Variants in GPATCH2L observed in about 807,000 individuals in gnomAD.
GPATCH2L encodes the protein G patch domain-containing protein 2-like.
A neutral mutation model predicts 57.4 loss-of-function variants in GPATCH2L; 31 were observed. The ratio of observed to expected loss-of-function variants is 0.54; its 90% confidence interval spans 0.41 to 0.73. GPATCH2L has a LOEUF of 0.73. Ranked by LOEUF, GPATCH2L falls within the 30% of genes least tolerant of loss-of-function variation. The pLI, the probability that GPATCH2L is intolerant of heterozygous loss-of-function variation, is 0.00. For missense variants in GPATCH2L, 481 were observed against 599.9 expected (o/e 0.80, Z 2.07); for synonymous variants, 199 against 210.7 (o/e 0.94, Z 0.48).
At chr14:76,169,118 C>T (rs2038973773) in intron 3 of GPATCH2L, among the ~76,000 whole-genome samples, 1 of 152,164 alleles carries the variant, frequency 6.6e-6, no homozygotes, top group African/African-American at 2.4e-5. Flanking sequence ...ATAGTCACTT[C>T]ATTACATCTC....
In GPATCH2L at chr14:76,205,559, C is replaced by A. The variant is rs1273037102; in HGVS notation, c.*3708C>A. On this transcript the variant is annotated 3_prime_UTR_variant, in exon 10 of 10. Coordinates refer to ENST00000261530, the MANE Select transcript of GPATCH2L (RefSeq NM_017926.4). Reference sequence around the variant, plus strand: ...GTAGCATCCTTTGTTAAGTAAAGCACAACACCCTGGACAAGCGACTAGTTA... The same window carrying A: ...GTAGCATCCTTTGTTAAGTAAAGCAAAACACCCTGGACAAGCGACTAGTTA... 1.3e-5 allele frequency: 2 copies of A among 152,190 alleles called. No individual in the cohort carries two copies. The highest frequency in any genetic ancestry group is 3.8e-4 in the East Asian group (2 of 5,202). The allele number at this position is 152,190 out of a possible 1,614,324, so 9.4% of individuals were successfully genotyped here. A position where few individuals can be genotyped will look rare whatever the true frequency, so the allele number is the denominator to read the frequency against.
intron 6 of GPATCH2L, 112 bp downstream of exon 6, chr14:76,176,802 A>G: frequency 1.4e-6 from 1 of 731,588 alleles, no homozygotes; most frequent in East Asian, 2.5e-5. Context: ...AAGAGATCTT[A>G]AAGATTTGTA....
At chr14:76,229,101 CT>C (rs1165079951) in intron 1 of GPATCH2L, among the ~76,000 whole-genome samples, 2 of 152,216 alleles carry the variant, frequency 1.3e-5, no homozygotes, top group Non-Finnish European at 2.9e-5. Flanking sequence ...AGCCAGGTGA[CT>C]GCAAGCTCTC....
At chr14:76,224,396 T>C (rs1566828563) in intron 1 of GPATCH2L, among the ~76,000 whole-genome samples, 1 of 152,188 alleles carries the variant, frequency 6.6e-6, no homozygotes, top group Non-Finnish European at 1.5e-5. Flanking sequence ...ACGAATTATG[T>C]TTCCATTTAA....
At chr14:76,217,810 C>G (rs575086123), downstream of GPATCH2L, among the ~76,000 whole-genome samples, 2 of 152,224 alleles carry the variant, frequency 1.3e-5, no homozygotes, top group East Asian at 3.9e-4. Flanking sequence ...AAAAGATGCT[C>G]AACTTTCCAT....
rs2289833 is a variant in GPATCH2L at position 76,151,998 on chromosome 14, G to C, written c.-11+7G>C. The C allele has an allele frequency of 6.5e-6, 1 of 153,760 alleles. No homozygotes were observed. Among genetic ancestry groups the C allele is most frequent in the Non-Finnish European group, 1.4e-5 (1 of 69,386 alleles). The allele number at this position is 153,760 out of a possible 1,614,324, so 9.5% of individuals were successfully genotyped here. A position where few individuals can be genotyped will look rare whatever the true frequency, so the allele number is the denominator to read the frequency against. ...GAGGTGGCTGCGGCAGCTGGTGAGG[G>C]GGAGGAATGGGTTGAGAGTGTTGGG... On this transcript the variant is annotated splice_region_variant and intron_variant, in intron 1 of 9. Coordinates refer to ENST00000261530, the MANE Select transcript of GPATCH2L (RefSeq NM_017926.4).
At chr14:76,194,299 G>A (rs2040076942) in intron 8 of GPATCH2L, among the ~76,000 whole-genome samples, 1 of 152,142 alleles carries the variant, frequency 6.6e-6, no homozygotes. Flanking sequence ...TTCTGTACAG[G>A]ACAGAGTGAT....
At chr14:76,215,654 A>T (rs1282690650), downstream of GPATCH2L, among the ~76,000 whole-genome samples, 2 of 151,390 alleles carry the variant, frequency 1.3e-5, no homozygotes, top group East Asian at 3.9e-4. Flanking sequence ...TTCTCAGTAA[A>T]CTATCGCAAG....
chr14:76,221,872 T>A (rs1422283057), intron 1 of GPATCH2L, among the ~76,000 whole-genome samples: 1 of 152,194 alleles, frequency 6.6e-6, no homozygotes, highest in Non-Finnish European at 1.5e-5. Context: ...GTGAAAATAC[T>A]CTGTATGATA....
At chr14:76,168,250 G>A (rs998761546) in intron 3 of GPATCH2L, among the ~76,000 whole-genome samples, 1 of 152,228 alleles carries the variant, frequency 6.6e-6, no homozygotes, top group Non-Finnish European at 1.5e-5. Flanking sequence ...GCCCCTGCAA[G>A]GGCATATTTA....
At chr14:76,200,591 A>G (rs1191295485) in intron 9 of GPATCH2L, among the ~76,000 whole-genome samples, 3 of 152,194 alleles carry the variant, frequency 2.0e-5, no homozygotes, top group Non-Finnish European at 4.4e-5. Flanking sequence ...AAACTCTTGT[A>G]TATAGAGTAA....
chr14:76,152,974 A>G (rs1384343321), intron 1 of GPATCH2L: 1 of 353,070 alleles, frequency 2.8e-6, no homozygotes, highest in East Asian at 7.5e-5. Context: ...TTCTTTTCAC[A>G]GGTGTTGATA....
intron 6 of GPATCH2L, among the ~76,000 whole-genome samples, chr14:76,177,487 A>G (rs1253675284): frequency 1.3e-5 from 2 of 151,620 alleles, no homozygotes; most frequent in Non-Finnish European, 2.9e-5. Flanking sequence ...TGTATGCATC[A>G]TGGTCAGTAC....
chr14:76,228,731 C>T (rs941991654), intron 1 of GPATCH2L, among the ~76,000 whole-genome samples: 3 of 152,262 alleles, frequency 2.0e-5, no homozygotes, highest in Admixed American at 6.5e-5. Flanking sequence ...CCTTTGGTGA[C>T]TGTGAAAGGA....
chr14:76,177,636 TG>T (rs1181239292), intron 6 of GPATCH2L, among the ~76,000 whole-genome samples: 63 of 152,120 alleles, frequency 4.1e-4, no homozygotes, highest in East Asian at 7.7e-4. Context: ...AGTGTAATCT[TG>T]GGTTTATTTC....
chr14:76,182,585 C>CAAAAAAAAAAAAA (rs66602777), intron 8 of GPATCH2L, among the ~76,000 whole-genome samples: 1 of 84,820 alleles, frequency 1.2e-5, no homozygotes, highest in South Asian at 4.4e-4. Flanking sequence ...GACCCTGTCT[C>CAAAAAAAAAAAAA]AAAAAAAAAA....
At chr14:76,185,470 T>C (rs981969748) in intron 8 of GPATCH2L, among the ~76,000 whole-genome samples, 1 of 152,212 alleles carries the variant, frequency 6.6e-6, no homozygotes, top group Non-Finnish European at 1.5e-5. Flanking sequence ...AAATGATAGC[T>C]AGGATTTATC....
At chr14:76,167,042 T>A (rs1294697316) in intron 3 of GPATCH2L, among the ~76,000 whole-genome samples, 1 of 152,210 alleles carries the variant, frequency 6.6e-6, no homozygotes, top group African/African-American at 2.4e-5. Flanking sequence ...GGGAAGTTTC[T>A]TTTTATTAGA....
rs962688380 is a variant in GPATCH2L at position 76,192,104 on chromosome 14, A to C, written c.1194-3774A>C. On this transcript the variant is annotated intron_variant, in intron 8 of 9. Transcript: ENST00000261530. The stretch of plus-strand genomic sequence containing the variant: ...TCTAGTTCCATCCATGTTGCTGTGA[A>C]TGACAGGACTTACTCTTTTTTTTTT... 5.9e-4 allele frequency among the ~76,000 whole-genome samples: 89 copies of C among 149,896 alleles called. 1 individual carries two copies. The highest frequency in any genetic ancestry group is 2.1e-3 in the African/African-American group (84 of 40,594).
Sources: gnomAD v4.1 joint callset for allele counts (sites outside exome capture counted in the v4.1 genomes callset) on GRCh38, gnomAD v4.1.1 for gene constraint, MANE v1.5 for transcripts, NCBI Gene and HGNC (gene_info 2026-07-23, HGNC 2026-07-21) for gene names.